The following TSC22D2 variants were observed in gnomAD, a reference collection of about 807,000 sequenced individuals.
The protein encoded by TSC22D2 is TSC22 domain family member 2.
A neutral mutation model predicts 50.1 loss-of-function variants in TSC22D2; 5 were observed. The observed-to-expected ratio is 0.10, with a 90% confidence interval of 0.05 to 0.21. The LOEUF (loss-of-function observed/expected upper bound fraction) is 0.21. TSC22D2 is among the 10% of genes least tolerant of loss of function. The pLI is 1.00. For synonymous variants in TSC22D2, 501 were observed against 450.1 expected, an observed-to-expected ratio of 1.11 and a Z score of -1.43; for missense variants, 1,003 against 1,015.5, an observed-to-expected ratio of 0.99 and a Z score of 0.17.
chr3:150,462,624 C>A lies in TSC22D2; in HGVS notation c.*3988C>A, dbSNP rs1326994642. The stretch of plus-strand genomic sequence containing the variant: ...GTGTCAGGTATCAGGTGCCTATTTT[C>A]TTTTTTTCTTTTTTCTTTTTTTTTT... On this transcript the variant is annotated 3_prime_UTR_variant, in exon 3 of 3. Transcript: ENST00000688009. 7.3e-6 allele frequency: 1 copy of A among 136,382 alleles called. No homozygotes were observed. Among genetic ancestry groups the A allele is most frequent in the Non-Finnish European group, 1.6e-5 (1 of 64,382 alleles). The allele number at this position is 136,382 out of a possible 1,614,324, so 8.4% of individuals were successfully genotyped here.
In TSC22D2 at chr3:150,410,764, C is replaced by G. The variant is rs150557689; in HGVS notation, c.1414C>G (p.Pro472Ala). 7 of 1,609,984 alleles carry G rather than the reference C, an allele frequency of 4.3e-6. No homozygotes were observed. The highest frequency in any genetic ancestry group is 5.9e-6 in the Non-Finnish European group (7 of 1,178,638). Residue 472 changes from proline (P) to alanine (A), a missense_variant, in exon 1 of 3, where the codon CCT (proline) becomes GCT (alanine). By Grantham distance (27) the Pro-to-Ala change is conservative (BLOSUM62 -1). Transcript: ENST00000688009. The part of the protein sequence containing the change: ...VGGVVQPCLG[P>A]AGAGQPQSVP... The stretch of plus-strand genomic sequence containing the variant: ...AGGCGTGGTGCAGCCGTGCCTCGGT[C>G]CTGCCGGGGCTGGGCAGCCCCAGTC...
intron 1 of TSC22D2, among the ~76,000 whole-genome samples, chr3:150,427,940 A>C (rs570247528): frequency 2.6e-5 from 4 of 152,234 alleles, no homozygotes; most frequent in African/African-American, 9.6e-5. Flanking sequence ...AACATGTTGT[A>C]CAACCTTAGT....
chr3:150,439,957 T>A (rs1440600684), intron 1 of TSC22D2, among the ~76,000 whole-genome samples: 1 of 152,242 alleles, frequency 6.6e-6, no homozygotes, highest in Non-Finnish European at 1.5e-5. Context: ...CAATTGGATT[T>A]TTCTGCAGAG....
chr3:150,421,861 A>G (rs973596803), intron 1 of TSC22D2, among the ~76,000 whole-genome samples: 12 of 152,362 alleles, frequency 7.9e-5, no homozygotes, highest in Non-Finnish European at 1.8e-4. Flanking sequence ...GCTAGGTAGT[A>G]ATGTAACCAG....
At chr3:150,418,808 T>C (rs1371080803) in intron 1 of TSC22D2, among the ~76,000 whole-genome samples, 4 of 152,070 alleles carry the variant, frequency 2.6e-5, no homozygotes, top group Non-Finnish European at 1.5e-5. Context: ...TAAAATAATA[T>C]ATATCTTGAA....
intron 1 of TSC22D2, among the ~76,000 whole-genome samples, chr3:150,427,146 T>C (rs1429801000): frequency 6.6e-6 from 1 of 152,182 alleles, no homozygotes; most frequent in Non-Finnish European, 1.5e-5. Flanking sequence ...ACTCAAGTTA[T>C]GCAACTTAGC....
At position 150,433,523 on chromosome 3, in the gene TSC22D2, T is replaced by A. The variant is rs565096457; in HGVS notation, c.1958+22215T>A. ...AAAGAAGGTATATTTTCCCTAGTCC[T>A]ACACAGTATCGGAAGGGGAACAAGG... On this transcript the variant is annotated intron_variant, in intron 1 of 2. Transcript: ENST00000688009. Among the ~76,000 whole-genome samples, 17 of 152,310 alleles carry A rather than the reference T, an allele frequency of 1.1e-4. No homozygotes were observed. In the South Asian group the frequency reaches 3.5e-3, roughly 32 times the overall value.
rs147199624 is a variant in TSC22D2 at position 150,453,330 on chromosome 3, T to A, written c.1959-3746T>A. 4.8e-3 allele frequency among the ~76,000 whole-genome samples: 733 copies of A among 152,278 alleles called. 7 individuals are homozygous for A. Among genetic ancestry groups the A allele is most frequent in the African/African-American group, 0.017 (688 of 41,564 alleles). ...GTTGATCTTTCTCATTTTAAAAGAG[T>A]CAAATCTCACTATGATAACTTTGAA... is the stretch of plus-strand genomic sequence containing the variant. On this transcript the variant is annotated intron_variant, in intron 1 of 2. Coordinates refer to ENST00000688009, the MANE Select transcript of TSC22D2 (RefSeq NM_001303264.2).
Position 150,457,225 on chromosome 3 carries a change from C to T in TSC22D2, c.2010+98C>T, listed in dbSNP as rs1721218488. 5.7e-6 allele frequency: 6 copies of T among 1,059,044 alleles called. No individual in the cohort carries two copies. The East Asian group carries it at 1.5e-4, about 27-fold the overall frequency. 65.6% of individuals were successfully genotyped at this position (1,059,044 alleles called of 1,614,324 possible). ...TAGAAAACAAATAAGTTATTTAAAC[C>T]AAAGATGACCAAATCATGTTTTTTG... On this transcript the variant is annotated intron_variant, in intron 2 of 2. Transcript: ENST00000688009.
chr3:150,420,599 A>C (rs1272071415), intron 1 of TSC22D2, among the ~76,000 whole-genome samples: 1 of 152,256 alleles, frequency 6.6e-6, no homozygotes, highest in Non-Finnish European at 1.5e-5. Context: ...TCCACATCCC[A>C]GTATTTACTA....
At position 150,458,689 on chromosome 3, in the gene TSC22D2, G is replaced by T; in HGVS notation, c.*53G>T. 1 of 1,596,244 alleles carries T rather than the reference G, an allele frequency of 6.3e-7. No individual in the cohort carries two copies. The highest frequency in any genetic ancestry group is 8.5e-7 in the Non-Finnish European group (1 of 1,171,262). ...AACTGAAAGCAATCTATCCTTGTGTGCCACTGGTGTTCTTTCCACTTTATA... is the reference window on the plus strand; with the variant it reads ...AACTGAAAGCAATCTATCCTTGTGTTCCACTGGTGTTCTTTCCACTTTATA... On this transcript the variant is annotated 3_prime_UTR_variant, in exon 3 of 3. Coordinates refer to ENST00000688009, the MANE Select transcript of TSC22D2 (RefSeq NM_001303264.2).
At position 150,458,529 on chromosome 3, in the gene TSC22D2, C is replaced by G; in HGVS notation, c.2164C>G (p.Pro722Ala). ...LSSNDQLSQL[P>A]TQQANPGSTS... ...AAGCAATGATCAATTATCCCAACTC[C>G]CAACCCAACAGGCCAATCCTGGTAG... Residue 722 changes from proline (P) to alanine (A), a missense_variant, in exon 3 of 3, where the codon CCA (proline) becomes GCA (alanine). Physicochemically the swap from Pro to Ala is conservative, Grantham distance 27. Coordinates refer to ENST00000688009, the MANE Select transcript of TSC22D2 (RefSeq NM_001303264.2). 1 of 1,614,108 alleles carries G rather than the reference C, an allele frequency of 6.2e-7. No individual in the cohort carries two copies. Among genetic ancestry groups the G allele is most frequent in the South Asian group, 1.1e-5 (1 of 91,084 alleles).
In TSC22D2 at chr3:150,463,558, C is replaced by G. The variant is rs2108114112; in HGVS notation, c.*4922C>G. ...GTTCACAGAATTTCTACAGCAAGAT[C>G]CCTTTAAATGTATGGCTTTCCTTCA... On this transcript the variant is annotated 3_prime_UTR_variant, in exon 3 of 3. Transcript: ENST00000688009. 1 of 152,276 alleles carries G rather than the reference C, an allele frequency of 6.6e-6. No homozygotes were observed. Among genetic ancestry groups the G allele is most frequent in the South Asian group, 2.1e-4 (1 of 4,820 alleles). The allele number at this position is 152,276 out of a possible 1,614,324, so 9.4% of individuals were successfully genotyped here. A position where few individuals can be genotyped will look rare whatever the true frequency, so the allele number is the denominator to read the frequency against.
intron 1 of TSC22D2, among the ~76,000 whole-genome samples, chr3:150,420,976 G>A (rs1046673249): frequency 6.6e-5 from 10 of 152,204 alleles, no homozygotes; most frequent in East Asian, 3.8e-4. Context: ...CCCGCTACTC[G>A]GGAGGCTGAG....
In TSC22D2 at chr3:150,463,437, A is replaced by C. The variant is rs984740762; in HGVS notation, c.*4801A>C. Reference sequence around the variant, plus strand: ...ATAATCCATATTTCTATTTTCTAGCAATAGTAATAGTTTATTATTTAGTGA... The same window carrying C: ...ATAATCCATATTTCTATTTTCTAGCCATAGTAATAGTTTATTATTTAGTGA... On this transcript the variant is annotated 3_prime_UTR_variant, in exon 3 of 3. Transcript: ENST00000688009. The C allele has an allele frequency of 3.9e-5, 6 of 152,144 alleles. No individual in the cohort carries two copies. Among genetic ancestry groups the C allele is most frequent in the Non-Finnish European group, 7.3e-5 (5 of 68,036 alleles). 9.4% of individuals were successfully genotyped at this position (152,144 alleles called of 1,614,324 possible).
Position 150,410,218 on chromosome 3 carries a change from G to A in TSC22D2, c.868G>A (p.Ala290Thr). Residue 290 changes from alanine to threonine, a missense_variant, in exon 1 of 3, where the codon GCT (alanine) becomes ACT (threonine). Coordinates refer to ENST00000688009, the MANE Select transcript of TSC22D2 (RefSeq NM_001303264.2). ...AGGTGGGGCTGTGGCTCAAAGCTCG[G>A]CTCCGCTGCCGCCGTTCCCGGGAGC... is the stretch of plus-strand genomic sequence containing the variant. Reference protein sequence around the residue: ...PVGGAVAQSSAPLPPFPGAAT... With the variant: ...PVGGAVAQSSTPLPPFPGAAT... 4.4e-6 allele frequency: 7 copies of A among 1,581,004 alleles called. No individual in the cohort carries two copies. Among genetic ancestry groups the A allele is most frequent in the Non-Finnish European group, 6.0e-6 (7 of 1,163,848 alleles).
chr3:150,457,163 T>G lies in TSC22D2; in HGVS notation c.2010+36T>G, dbSNP rs374199116. On this transcript the variant is annotated intron_variant, in intron 2 of 2. Transcript: ENST00000688009. The stretch of plus-strand genomic sequence containing the variant: ...GTTTACAGTTCTCCCATTTCATAGA[T>G]TGTTGGTTGTATGGAACACTTAGCT... The G allele has an allele frequency of 1.0e-5, 16 of 1,587,030 alleles. No individual in the cohort carries two copies. The African/African-American group carries it at 2.2e-4, about 21-fold the overall frequency.
intron 1 of TSC22D2, among the ~76,000 whole-genome samples, chr3:150,438,031 T>C (rs1211422951): frequency 1.3e-5 from 2 of 152,158 alleles, no homozygotes; most frequent in Admixed American, 6.5e-5. Flanking sequence ...TGAAAATCCA[T>C]GTTGAAATTT....
chr3:150,428,841 A>T (rs1177156282), intron 1 of TSC22D2, among the ~76,000 whole-genome samples: 1 of 152,172 alleles, frequency 6.6e-6, no homozygotes, highest in Non-Finnish European at 1.5e-5. Context: ...GAGCGAGCTT[A>T]CTGAAAAGTA....
Sources: gnomAD v4.1 joint callset for allele counts (sites outside exome capture counted in the v4.1 genomes callset) on GRCh38, gnomAD v4.1.1 for gene constraint, MANE v1.5 for transcripts, NCBI Gene and HGNC (gene_info 2026-07-23, HGNC 2026-07-21) for gene names.